The following DENND1C variants were observed in gnomAD, a reference collection of about 807,000 sequenced individuals.
DENND1C encodes the protein DENN domain-containing protein 1C.
In DENND1C, 64 loss-of-function variants were observed where a neutral mutation model predicts 87.9. The ratio of observed to expected loss-of-function variants is 0.73; its 90% CI spans 0.60 to 0.90. DENND1C has a LOEUF of 0.90. DENND1C is among the 40% of genes least tolerant of loss of function. The probability of loss-of-function intolerance (pLI) is 0.00; values close to 1 mark genes in which losing one functional copy is unlikely to be tolerated. For missense variants in DENND1C, 980 were observed against 1,037.0 expected (o/e 0.95, Z 0.76); for synonymous variants, 384 against 424.4 (o/e 0.90, Z 1.17).
chr19:6,477,286 G>A lies in DENND1C; in HGVS notation c.448-3C>T. 1 of 1,592,944 alleles carries A rather than the reference G, an allele frequency of 6.3e-7. No homozygotes were observed. Among genetic ancestry groups the A allele is most frequent in the Non-Finnish European group, 8.6e-7 (1 of 1,165,876 alleles). ...CTGGAGACCGTCACTCCGCTGCCCT[G>A]GGGAAGAGGCACGACTCTGTGGTCA... On this transcript the variant is annotated splice_polypyrimidine_tract_variant and splice_region_variant and intron_variant, in intron 7 of 22. Transcript: ENST00000381480.
chr19:6,479,104 G>A lies in DENND1C; in HGVS notation c.177-48C>T. 2 of 1,609,554 alleles carry A rather than the reference G, an allele frequency of 1.2e-6. 1 individual carries two copies. The highest frequency in any genetic ancestry group is 2.2e-5 in the South Asian group (2 of 90,908). On this transcript the variant is annotated intron_variant, in intron 4 of 22. Coordinates refer to ENST00000381480, the MANE Select transcript of DENND1C (RefSeq NM_024898.4). The stretch of plus-strand genomic sequence containing the variant: ...AGAGACCTGGACATCCCAGCTGTCT[G>A]AGGATGTCCCCGCTCCCCAACAAAG...
rs1159194440 is a variant in DENND1C at position 6,468,406 on chromosome 19, G to A, written c.1619C>T (p.Pro540Leu). 3.7e-6 allele frequency: 6 copies of A among 1,613,588 alleles called. No homozygotes were observed. The highest frequency in any genetic ancestry group is 2.2e-5 in the East Asian group (1 of 44,848). The stretch of plus-strand genomic sequence containing the variant: ...GCTGTCCAGAGCTTCTTCTGCCCAC[G>A]GGCACCCCTCATCCTCAGGGCTCAG... ...PPLSPEDEGC[P>L]WAEEALDSSF... Residue 540 changes from proline (P) to leucine (L), a missense_variant, in exon 22 of 23, where the codon CCG (proline) becomes CTG (leucine). Coordinates refer to ENST00000381480, the MANE Select transcript of DENND1C (RefSeq NM_024898.4).
At chr19:6,479,741 A>G in intron 3 of DENND1C, 23 bp from the exon 4 acceptor site, 1 of 1,613,852 alleles carries the variant, frequency 6.2e-7, no homozygotes, top group Non-Finnish European at 8.5e-7. Context: ...AAAAGCGCAG[A>G]CTGCTTGGCC....
At chr19:6,476,726 AGGG>A in intron 10 of DENND1C, 128 bp downstream of exon 10, 2 of 920,394 alleles carry the variant, frequency 2.2e-6, no homozygotes, top group Non-Finnish European at 1.6e-6. Context: ...AGACCTTCGA[AGGG>A]GCGGGGCCAG....
chr19:6,481,787 T>G lies in DENND1C; in HGVS notation c.-92A>C. The G allele has an allele frequency of 7.1e-7, 1 of 1,413,528 alleles. No homozygotes were observed. The highest frequency in any genetic ancestry group is 9.3e-7 in the Non-Finnish European group (1 of 1,071,524). 87.6% of individuals were successfully genotyped at this position (1,413,528 alleles called of 1,614,324 possible). A position where few individuals can be genotyped will look rare whatever the true frequency, so the allele number is the denominator to read the frequency against. ...CCCCAAGCCGGCTCAGCTTCCTGTG[T>G]GGCTGAGAGAGGAAGTTTAACGGGT... is the stretch of plus-strand genomic sequence containing the variant. On this transcript the variant is annotated 5_prime_UTR_variant, in exon 1 of 23. Transcript: ENST00000381480.
rs772038100 is a variant in DENND1C at position 6,468,104 on chromosome 19, T to C, written c.1806A>G (p.Arg602=). 2 of 1,613,516 alleles carry C rather than the reference T, an allele frequency of 1.2e-6. No homozygotes were observed. The highest frequency in any genetic ancestry group is 1.7e-6 in the Non-Finnish European group (2 of 1,179,710). ...DSCFSLPNIP[R]WQPDDKKLPE... ...GTAGTTTCTTATCGTCTGGTTGCCA[T>C]CTTGGTATGTTGGGCTAGGTGAGAT... The change falls in exon 23 of 23, where the codon AGA becomes AGG. Residue 602 remains arginine (R), a synonymous_variant. Transcript: ENST00000381480.
In DENND1C at chr19:6,468,424, G is replaced by T. The variant is rs1449128939; in HGVS notation, c.1601C>A (p.Pro534His). Reference sequence around the variant, plus strand: ...TGCCCACGGGCACCCCTCATCCTCAGGGCTCAGTGGGGGTGTCCTGGGTGA... The same window carrying T: ...TGCCCACGGGCACCCCTCATCCTCATGGCTCAGTGGGGGTGTCCTGGGTGA... ...PPGAGTPPLS[P>H]EDEGCPWAEE... The change falls in exon 22 of 23, where the codon CCT becomes CAT. Residue 534 changes from proline (P) to histidine (H), a missense_variant. Pro to His is a moderately conservative substitution (Grantham distance 77). Coordinates refer to ENST00000381480, the MANE Select transcript of DENND1C (RefSeq NM_024898.4). 1 of 1,612,908 alleles carries T rather than the reference G, an allele frequency of 6.2e-7. No homozygotes were observed. The highest frequency in any genetic ancestry group is 1.1e-5 in the South Asian group (1 of 90,774).
rs971674896 is a variant in DENND1C, at chr19:6,480,164, G to A, written c.18-113C>T. 6 of 1,511,886 alleles carry A rather than the reference G, an allele frequency of 4.0e-6. No individual in the cohort carries two copies. The African/African-American group carries it at 6.9e-5, about 17-fold the overall frequency. 93.7% of individuals were successfully genotyped at this position (1,511,886 alleles called of 1,614,324 possible). A position where few individuals can be genotyped will look rare whatever the true frequency, so the allele number is the denominator to read the frequency against. On this transcript the variant is annotated intron_variant, in intron 1 of 22. Coordinates refer to ENST00000381480, the MANE Select transcript of DENND1C (RefSeq NM_024898.4). ...CATGTGCCACAAGGTGCGTCGGCAT[G>A]TGCATGACTCTGGGGGTTTGTGGCT...
intron 1 of DENND1C, chr19:6,480,337 G>A (rs1913464841): frequency 9.6e-6 from 13 of 1,361,174 alleles, no homozygotes; most frequent in Non-Finnish European, 1.2e-5. Flanking sequence ...CAGGCAGTGT[G>A]TGTGTGATCC....
intron 5 of DENND1C, 28 bp downstream of exon 5, chr19:6,478,908 TC>T (rs768080654): frequency 1.9e-5 from 30 of 1,612,730 alleles, no homozygotes; most frequent in Middle Eastern, 1.6e-4. Context: ...GCCTTTCCCA[TC>T]CCCCCCTCCA....
intron 1 of DENND1C, chr19:6,480,494 G>A (rs1213417908): frequency 1.1e-5 from 11 of 983,382 alleles, no homozygotes; most frequent in African/African-American, 3.5e-5. Context: ...CTGTCTGTCT[G>A]TCTGTCTCTG....
chr19:6,475,431 A>C, intron 13 of DENND1C, 32 bp from the exon 14 acceptor site: 1 of 1,612,634 alleles, frequency 6.2e-7, no homozygotes, highest in Non-Finnish European at 8.5e-7. Context: ...CTGAGTGGGC[A>C]GGTGTGGGCC....
At chr19:6,478,528 T>A (rs1182820288) in intron 6 of DENND1C, among the ~76,000 whole-genome samples, 1 of 151,968 alleles carries the variant, frequency 6.6e-6, no homozygotes, top group African/African-American at 2.4e-5. Flanking sequence ...AGTGCTGGGA[T>A]TACAGGCGTG....
chr19:6,480,332 A>AGT, intron 1 of DENND1C: 2 of 1,368,492 alleles, frequency 1.5e-6, no homozygotes, highest in South Asian at 1.5e-5. Flanking sequence ...GTGAGCAGGC[A>AGT]GTGTGTGTGT....
intron 10 of DENND1C, chr19:6,476,510 TCTGAGTCCCTGAGTCC>T (rs369355615): frequency 2.0e-4 from 45 of 230,358 alleles, no homozygotes; most frequent in African/African-American, 1.0e-3. Context: ...TCCTCAGATC[TCTGAGTCCCTGAGTCC>T]CTGGGTCCCT....
chr19:6,477,312 T>C (rs1309823890), intron 7 of DENND1C, 29 bp from the exon 8 acceptor site: 1 of 1,604,278 alleles, frequency 6.2e-7, no homozygotes, highest in Admixed American at 1.7e-5. Flanking sequence ...TCTGTGGTCA[T>C]GATGGCTGGG....
In DENND1C at chr19:6,475,731, A is replaced by G. The variant is rs368108477; in HGVS notation, c.800T>C (p.Ile267Thr). The G allele has an allele frequency of 1.3e-5, 20 of 1,579,140 alleles. No individual in the cohort carries two copies. In the African/African-American group the frequency reaches 1.9e-4, roughly 15 times the overall value. ...CTCGGCGAGACTGGCGTGCACTCCA[A>G]TGAGGTAGGGCATGGGCGCGCTGCG... is the stretch of plus-strand genomic sequence containing the variant. ...DYCCAPMPYL[I>T]GVHASLAERV... is the part of the protein sequence containing the mutation. Residue 267 changes from isoleucine (I) to threonine (T), a missense_variant, in exon 12 of 23, where the codon ATT becomes ACT. Physicochemically the swap from Ile to Thr is moderately conservative, Grantham distance 89. Coordinates refer to ENST00000381480, the MANE Select transcript of DENND1C (RefSeq NM_024898.4).
chr19:6,468,865 A>G lies in DENND1C; in HGVS notation c.1496T>C (p.Ile499Thr). 11 of 1,509,954 alleles carry G rather than the reference A, an allele frequency of 7.3e-6. No homozygotes were observed. The highest frequency in any genetic ancestry group is 9.7e-6 in the Non-Finnish European group (11 of 1,135,506). 93.5% of individuals were successfully genotyped at this position (1,509,954 alleles called of 1,614,324 possible). A position where few individuals can be genotyped will look rare whatever the true frequency, so the allele number is the denominator to read the frequency against. The change falls in exon 20 of 23, where the codon ATC (isoleucine) becomes ACC (threonine). Residue 499 changes from isoleucine to threonine, a missense_variant. Transcript: ENST00000381480. Reference sequence around the variant, plus strand: ...TCTCACCTTTCCAAAGTGCTGAGTGATTGGGAGGCGTTGCTGCAGGCGGTC... The same window carrying G: ...TCTCACCTTTCCAAAGTGCTGAGTGGTTGGGAGGCGTTGCTGCAGGCGGTC... ...RSDRLQQRLP[I>T]TQHFGKNRPL...
At chr19:6,480,991 T>C (rs1913529359) in intron 1 of DENND1C, among the ~76,000 whole-genome samples, 1 of 151,906 alleles carries the variant, frequency 6.6e-6, no homozygotes, top group African/African-American at 2.4e-5. Context: ...GCTGTGAGTG[T>C]CACTGGGTAA....
Sources: gnomAD v4.1 joint callset for allele counts (sites outside exome capture counted in the v4.1 genomes callset) on GRCh38, gnomAD v4.1.1 for gene constraint, MANE v1.5 for transcripts, NCBI Gene and HGNC (gene_info 2026-07-23, HGNC 2026-07-21) for gene names.